CTNNA2: variants seen among roughly 807,000 people sequenced by gnomAD.
CTNNA2 encodes catenin alpha 2.
In CTNNA2, 42 loss-of-function variants were observed where a neutral mutation model predicts 101.0. The ratio of observed to expected loss-of-function variants is 0.42; its 90% confidence interval spans 0.32 to 0.54. The LOEUF (loss-of-function observed/expected upper bound fraction) is 0.54, where lower values mean the gene tolerates loss of function less well. Among genes scored for constraint, CTNNA2 ranks in the 20% least tolerant of loss-of-function variants. The pLI, the probability that CTNNA2 is intolerant of heterozygous loss-of-function variation, is 0.14. For missense variants in CTNNA2, 871 were observed against 1,223.1 expected, an observed-to-expected ratio of 0.71 and a Z score of 4.29; for synonymous variants, 450 against 456.4, an observed-to-expected ratio of 0.99 and a Z score of 0.18.
intron 12 of CTNNA2, among the ~76,000 whole-genome samples, chr2:80,567,444 C>A (rs1446346261): frequency 6.6e-6 from 1 of 152,106 alleles, no homozygotes; most frequent in East Asian, 1.9e-4. Context: ...AAGGCACACC[C>A]CGTGCCTTAT....
intron 9 of CTNNA2, among the ~76,000 whole-genome samples, chr2:80,471,246 C>A (rs7562838): frequency 1.3e-5 from 2 of 151,894 alleles, no homozygotes; most frequent in African/African-American, 2.4e-5. Flanking sequence ...AGGCAAGAGA[C>A]GATGGTGATT....
intron 3 of CTNNA2, among the ~76,000 whole-genome samples, chr2:79,799,217 C>T (rs1675965047): frequency 6.6e-6 from 1 of 151,662 alleles, no homozygotes; most frequent in Non-Finnish European, 1.5e-5. Flanking sequence ...CCTCATTCCC[C>T]CTCTTCTTAA....
chr2:80,064,317 G>A (rs73940929), intron 7 of CTNNA2, among the ~76,000 whole-genome samples: 2,518 of 152,282 alleles, frequency 0.017, 73 homozygotes, highest in African/African-American at 0.057. Context: ...AGTATCTCGG[G>A]AATTTACCTC....
At chr2:79,993,168 G>A (rs1400409824) in intron 7 of CTNNA2, among the ~76,000 whole-genome samples, 1 of 152,136 alleles carries the variant, frequency 6.6e-6, no homozygotes, top group Admixed American at 6.6e-5. Context: ...TAGACCCACA[G>A]AGGTTTGTTC....
At chr2:79,269,834 G>A (rs75643520) in intron 2 of CTNNA2, among the ~76,000 whole-genome samples, 238 of 152,122 alleles carry the variant, frequency 1.6e-3, no homozygotes, top group Non-Finnish European at 2.5e-3. Context: ...ACTTCCCCTG[G>A]ATCTAGCATG....
At chr2:80,641,147 C>T (rs1423190672) in intron 18 of CTNNA2, among the ~76,000 whole-genome samples, 1 of 152,172 alleles carries the variant, frequency 6.6e-6, no homozygotes, top group Non-Finnish European at 1.5e-5. Flanking sequence ...GAACTGGTTC[C>T]TTCTTCCAGG....
chr2:79,608,045 A>G (rs764629968), intron 1 of CTNNA2, among the ~76,000 whole-genome samples: 2 of 152,074 alleles, frequency 1.3e-5, no homozygotes, highest in Non-Finnish European at 2.9e-5. Context: ...GGCGAAAAGT[A>G]GAAAGATTCA....
At chr2:79,395,797 T>C (rs1299485412) in intron 4 of CTNNA2, among the ~76,000 whole-genome samples, 1 of 152,182 alleles carries the variant, frequency 6.6e-6, no homozygotes, top group Non-Finnish European at 1.5e-5. Flanking sequence ...TGATATGTTT[T>C]ACTTTTTTAA....
At chr2:79,695,180 T>C (rs183967681) in intron 2 of CTNNA2, among the ~76,000 whole-genome samples, 1 of 152,062 alleles carries the variant, frequency 6.6e-6, no homozygotes, top group East Asian at 1.9e-4. Flanking sequence ...ATGGATTTAT[T>C]TGCATTCACT....
intron 1 of CTNNA2, among the ~76,000 whole-genome samples, chr2:79,562,942 C>G (rs1447461469): frequency 2.0e-5 from 3 of 151,710 alleles, no homozygotes; most frequent in African/African-American, 7.3e-5. Flanking sequence ...ACTAATGAAA[C>G]TTATTTTCTA....
intron 3 of CTNNA2, among the ~76,000 whole-genome samples, chr2:79,841,187 A>G (rs1369962705): frequency 6.6e-6 from 1 of 152,170 alleles, no homozygotes; most frequent in East Asian, 1.9e-4. Flanking sequence ...ATCTGTTTAG[A>G]AAGGCTAAGA....
At chr2:80,632,062 T>G (rs1364693266) in intron 18 of CTNNA2, among the ~76,000 whole-genome samples, 1 of 152,130 alleles carries the variant, frequency 6.6e-6, no homozygotes, top group Non-Finnish European at 1.5e-5. Flanking sequence ...GATAAATAAT[T>G]GATGTTCAGG....
chr2:80,016,533 A>G lies in CTNNA2; in HGVS notation c.1056+106736A>G, dbSNP rs1370684581. Among the ~76,000 whole-genome samples, 4 of 152,222 alleles carry G rather than the reference A, an allele frequency of 2.6e-5. No individual in the cohort carries two copies. The East Asian group carries it at 5.8e-4, about 22-fold the overall frequency. On this transcript the variant is annotated intron_variant, in intron 7 of 18. Transcript: ENST00000402739. ...TTAAGAAATATTAACTATTTCAGGA[A>G]ATCAGTCCTGAAAAGAGATTTTGCC...
intron 4 of CTNNA2, among the ~76,000 whole-genome samples, chr2:79,865,767 T>C (rs2103995815): frequency 6.6e-6 from 1 of 152,354 alleles, no homozygotes; most frequent in African/African-American, 2.4e-5. Context: ...TCGCCCAGGC[T>C]GGAGTGCAGT....
intron 9 of CTNNA2, among the ~76,000 whole-genome samples, chr2:80,446,422 T>C (rs1683077072): frequency 6.6e-6 from 1 of 152,252 alleles, no homozygotes; most frequent in Admixed American, 6.5e-5. Flanking sequence ...ATTACATTGA[T>C]CTATTCAAGT....
chr2:79,384,037 T>C (rs931445333), intron 4 of CTNNA2, among the ~76,000 whole-genome samples: 1 of 152,118 alleles, frequency 6.6e-6, no homozygotes, highest in Non-Finnish European at 1.5e-5. Context: ...GGATGGTGCT[T>C]ACAGGCCAAG....
chr2:80,051,720 A>C (rs2104334214), intron 7 of CTNNA2, among the ~76,000 whole-genome samples: 1 of 152,228 alleles, frequency 6.6e-6, no homozygotes, highest in Non-Finnish European at 1.5e-5. Flanking sequence ...GCCATTGCTC[A>C]TGCCATTTTC....
At chr2:79,548,290 C>T (rs1673867080) in intron 1 of CTNNA2, among the ~76,000 whole-genome samples, 1 of 152,204 alleles carries the variant, frequency 6.6e-6, no homozygotes, top group African/African-American at 2.4e-5. Flanking sequence ...CTTTCACAGA[C>T]TCTCCTAAGC....
intron 18 of CTNNA2, among the ~76,000 whole-genome samples, chr2:80,642,796 A>T (rs1673634489): frequency 6.6e-6 from 1 of 152,180 alleles, no homozygotes; most frequent in Non-Finnish European, 1.5e-5. Context: ...CTTTGGTGAT[A>T]TAAGGAATTA....
Sources: allele counts gnomAD v4.1 joint callset (sites outside exome capture counted in the v4.1 genomes callset), GRCh38; gene constraint gnomAD v4.1.1; transcripts MANE v1.5; gene names NCBI Gene and HGNC (gene_info 2026-07-23, HGNC 2026-07-21).